Variants in HDAC9 observed in about 807,000 individuals in gnomAD.
HDAC9 encodes histone deacetylase 9.
In HDAC9, 41 loss-of-function variants were observed where a neutral mutation model predicts 139.4. That is an observed-to-expected ratio of 0.29 (90% CI 0.23 to 0.38). The LOEUF is 0.38. Ranked by LOEUF, HDAC9 falls within the 10% of genes least tolerant of loss-of-function variation. The probability of loss-of-function intolerance (pLI) is 1.00; values close to 1 mark genes in which losing one functional copy is unlikely to be tolerated. For synonymous variants in HDAC9, 517 were observed against 476.2 expected (o/e 1.09, Z -1.12); for missense variants, 1,147 against 1,297.0 (o/e 0.88, Z 1.78).
chr7:18,419,737 T>A (rs576631861), intron 1 of HDAC9, among the ~76,000 whole-genome samples: 20 of 152,304 alleles, frequency 1.3e-4, no homozygotes, highest in South Asian at 8.3e-4. Context: ...ATTTTTTTTT[T>A]AATAAATCTT....
rs952676927 is a variant in HDAC9, at chr7:18,995,825, G to A, written c.3171-198G>A. ...TTTAATATAAACAGGAACATTTCCA[G>A]TGATTGCTTGGATCGAAAATGTTTT... On this transcript the variant is annotated intron_variant, in intron 25 of 25. Transcript: ENST00000686413. Among the ~76,000 whole-genome samples the A allele has an allele frequency of 4.6e-5, 7 of 152,130 alleles. 1 individual carries two copies. Among genetic ancestry groups the A allele is most frequent in the African/African-American group, 1.7e-4 (7 of 41,428 alleles).
intron 1 of HDAC9, among the ~76,000 whole-genome samples, chr7:18,373,681 C>A (rs1440117569): frequency 6.6e-6 from 1 of 152,074 alleles, no homozygotes; most frequent in Non-Finnish European, 1.5e-5. Context: ...CCAGGTGAAA[C>A]TAAAGAAGCT....
chr7:18,215,717 A>G (rs1361216682), intron 2 of HDAC9, among the ~76,000 whole-genome samples: 1 of 152,164 alleles, frequency 6.6e-6, no homozygotes, highest in Non-Finnish European at 1.5e-5. Flanking sequence ...CAAAGGAAAT[A>G]GTAGATGAAA....
At chr7:18,901,917 C>T (rs190179733) in intron 22 of HDAC9, among the ~76,000 whole-genome samples, 91 of 152,272 alleles carry the variant, frequency 6.0e-4, no homozygotes, top group African/African-American at 2.0e-3. Flanking sequence ...TCAATTTAGT[C>T]ACAAGTTTTG....
At chr7:18,875,387 A>G (rs530432910) in intron 22 of HDAC9, among the ~76,000 whole-genome samples, 1 of 152,308 alleles carries the variant, frequency 6.6e-6, no homozygotes, top group Admixed American at 6.5e-5. Context: ...TTTAGGGAGC[A>G]TTGCAAAGCA....
At chr7:18,579,911 G>A (rs181135178) in intron 2 of HDAC9, among the ~76,000 whole-genome samples, 2 of 152,168 alleles carry the variant, frequency 1.3e-5, no homozygotes, top group Admixed American at 6.5e-5. Context: ...TTTTTCATAC[G>A]TAAGGCTTGC....
At chr7:18,243,821 G>T (rs1010381690) in intron 2 of HDAC9, among the ~76,000 whole-genome samples, 1 of 152,178 alleles carries the variant, frequency 6.6e-6, no homozygotes, top group African/African-American at 2.4e-5. Flanking sequence ...CGTGAAAATG[G>T]AATGCACCAG....
rs116006243 is a variant in HDAC9 at position 18,190,829 on chromosome 7, A to C, written c.25+28480A>C. ...CTTCTCAGAAATTTCTGTATGTCCC[A>C]AATTCCTTTTAAATATTTAAATATT... On this transcript the variant is annotated intron_variant, in intron 2 of 12. Transcript: ENST00000417496. 7.4e-3 allele frequency among the ~76,000 whole-genome samples: 1,132 copies of C among 152,292 alleles called. 14 individuals are homozygous for C. The highest frequency in any genetic ancestry group is 0.026 in the African/African-American group (1,099 of 41,568).
At chr7:18,232,094 A>G (rs1480644576) in intron 2 of HDAC9, among the ~76,000 whole-genome samples, 3 of 152,216 alleles carry the variant, frequency 2.0e-5, no homozygotes, top group Non-Finnish European at 2.9e-5. Flanking sequence ...CACATATAAA[A>G]TAAGCACACT....
intron 1 of HDAC9, among the ~76,000 whole-genome samples, chr7:18,438,637 T>TGTGTGC (rs1491178931): frequency 2.1e-4 from 12 of 56,194 alleles, no homozygotes; most frequent in African/African-American, 6.8e-4. Flanking sequence ...AGTGATATGC[T>TGTGTGC]GTGTGTGCGT....
At chr7:18,346,457 G>A (rs979960646) in intron 1 of HDAC9, among the ~76,000 whole-genome samples, 4 of 152,128 alleles carry the variant, frequency 2.6e-5, no homozygotes, top group East Asian at 3.9e-4. Context: ...TGTCACAACC[G>A]CTATTAACAC....
chr7:18,377,935 T>C (rs1156456544), intron 1 of HDAC9, among the ~76,000 whole-genome samples: 1 of 152,236 alleles, frequency 6.6e-6, no homozygotes, highest in Non-Finnish European at 1.5e-5. Context: ...GGTTTAATTT[T>C]ACATCTTAAG....
chr7:18,258,905 G>C (rs1049271125), intron 2 of HDAC9, among the ~76,000 whole-genome samples: 1 of 145,662 alleles, frequency 6.9e-6, no homozygotes, highest in Non-Finnish European at 1.5e-5. Flanking sequence ...GGTGACTCTT[G>C]CAGTTTTCCT....
chr7:18,709,031 A>G (rs1784148733), intron 12 of HDAC9, among the ~76,000 whole-genome samples: 1 of 151,932 alleles, frequency 6.6e-6, no homozygotes, highest in Non-Finnish European at 1.5e-5. Flanking sequence ...AACGTTAACA[A>G]CAGATTCCCA....
chr7:18,419,600 C>T (rs747164330), intron 1 of HDAC9, among the ~76,000 whole-genome samples: 36 of 152,106 alleles, frequency 2.4e-4, no homozygotes, highest in African/African-American at 7.7e-4. Flanking sequence ...TTTATTACTC[C>T]GGTTATTATA....
At chr7:18,885,094 A>G (rs1800034460) in intron 22 of HDAC9, among the ~76,000 whole-genome samples, 1 of 152,354 alleles carries the variant, frequency 6.6e-6, no homozygotes, top group Admixed American at 6.5e-5. Context: ...AATAGAAAAG[A>G]TGACTTTCTG....
intron 1 of HDAC9, among the ~76,000 whole-genome samples, chr7:18,456,767 G>T (rs924832764): frequency 6.6e-6 from 1 of 152,088 alleles, no homozygotes; most frequent in Non-Finnish European, 1.5e-5. Flanking sequence ...GGGATGATTC[G>T]CAAGTTCCTC....
intron 23 of HDAC9, among the ~76,000 whole-genome samples, chr7:18,939,843 A>G (rs1298538529): frequency 6.6e-6 from 1 of 152,226 alleles, no homozygotes; most frequent in Non-Finnish European, 1.5e-5. Flanking sequence ...AACAAAATGT[A>G]GTAAAGCTTG....
intron 22 of HDAC9, among the ~76,000 whole-genome samples, chr7:18,929,231 G>T (rs966706861): frequency 1.3e-5 from 2 of 152,032 alleles, no homozygotes; most frequent in Non-Finnish European, 2.9e-5. Flanking sequence ...TTTCTTAGCA[G>T]AAACCAACCC....
Sources: gnomAD v4.1 joint callset for allele counts (sites outside exome capture counted in the v4.1 genomes callset) on GRCh38, gnomAD v4.1.1 for gene constraint, MANE v1.5 for transcripts, NCBI Gene and HGNC (gene_info 2026-07-23, HGNC 2026-07-21) for gene names.